The following VAV2 variants were observed in gnomAD, a reference collection of about 807,000 sequenced individuals.
VAV2 encodes the protein guanine nucleotide exchange factor VAV2.
In VAV2, 67 loss-of-function variants were observed where a neutral mutation model predicts 132.5. That is an observed-to-expected ratio of 0.51 (90% CI 0.42 to 0.62). The LOEUF (loss-of-function observed/expected upper bound fraction) is 0.62. Among genes scored for constraint, VAV2 ranks in the 20% least tolerant of loss-of-function variants. VAV2 has a pLI of 0.00. For missense variants in VAV2, 938 were observed against 1,153.6 expected (o/e 0.81, Z 2.71); for synonymous variants, 492 against 443.5 (o/e 1.11, Z -1.37).
rs78497525 is a variant in VAV2 at position 133,883,471 on chromosome 9, G to A, written c.322-22039C>T. Reference sequence around the variant, plus strand: ...CAGCAGCTCAGCCACTTAAAAATTCGTCGGAACATGTTGAAACAATGAGGG... The same window carrying A: ...CAGCAGCTCAGCCACTTAAAAATTCATCGGAACATGTTGAAACAATGAGGG... On this transcript the variant is annotated intron_variant, in intron 2 of 29. Coordinates refer to ENST00000371850, the MANE Select transcript of VAV2 (RefSeq NM_001134398.2). The surrounding 1 kb of genome is among the most constrained non-coding windows in gnomAD (Gnocchi z 4.2). Among the ~76,000 whole-genome samples, 911 of 152,176 alleles carry A rather than the reference G, an allele frequency of 6.0e-3. 8 individuals carry two copies. The highest frequency in any genetic ancestry group is 0.021 in the African/African-American group (854 of 41,490).
intron 3 of VAV2, among the ~76,000 whole-genome samples, chr9:133,848,141 G>T (rs916415249): frequency 3.3e-5 from 5 of 151,742 alleles, no homozygotes; most frequent in Admixed American, 1.3e-4. Context: ...TCAGCTGGGT[G>T]TAGTGGCGGG....
intron 2 of VAV2, among the ~76,000 whole-genome samples, chr9:133,920,127 C>G (rs1840242776): frequency 6.6e-6 from 1 of 152,092 alleles, no homozygotes; most frequent in African/African-American, 2.4e-5. Flanking sequence ...CCTGCACATG[C>G]AGCCAGCAGA....
rs183343558 is a variant in VAV2, at chr9:133,763,735, G to C, written c.*327C>G. 1.3e-4 allele frequency: 47 copies of C among 369,726 alleles called. 1 individual carries two copies. In the Admixed American group the frequency reaches 1.4e-3, roughly 11 times the overall value. The allele number at this position is 369,726 out of a possible 1,614,324, so 22.9% of individuals were successfully genotyped here. On this transcript the variant is annotated 3_prime_UTR_variant, in exon 30 of 30. Coordinates refer to ENST00000371850, the MANE Select transcript of VAV2 (RefSeq NM_001134398.2). This position sits in a 1 kb window ranked among gnomAD's most constrained non-coding sequence, Gnocchi z 6.8. ...AGGCTCCTGAAGGCCATCTCAGTTG[G>C]ACAGGGGCAGGCGATGGGCCTCTGG...
intron 1 of VAV2, among the ~76,000 whole-genome samples, chr9:133,939,566 G>A (rs756998271): frequency 1.8e-4 from 28 of 152,352 alleles, no homozygotes; most frequent in Non-Finnish European, 3.2e-4. Flanking sequence ...AGGTCAGGGC[G>A]GCAAGGCAGC....
intron 2 of VAV2, among the ~76,000 whole-genome samples, chr9:133,933,952 G>GTGGATAGA (rs1554812130): frequency 2.3e-5 from 3 of 130,194 alleles, no homozygotes; most frequent in African/African-American, 9.6e-5. Context: ...TGGATGGATG[G>GTGGATAGA]TGGATGGATG....
At chr9:133,922,910 G>A (rs1840346143) in intron 2 of VAV2, among the ~76,000 whole-genome samples, 1 of 152,174 alleles carries the variant, frequency 6.6e-6, no homozygotes, top group Non-Finnish European at 1.5e-5. Flanking sequence ...AGGGTGAAAG[G>A]CAATCTACTG....
chr9:133,925,254 T>C (rs993669559), intron 2 of VAV2, among the ~76,000 whole-genome samples: 1 of 152,206 alleles, frequency 6.6e-6, no homozygotes, highest in African/African-American at 2.4e-5. Context: ...TCTCGCTCTG[T>C]TGCCCAGACT....
intron 2 of VAV2, among the ~76,000 whole-genome samples, chr9:133,882,509 C>G (rs1450208483): frequency 6.6e-6 from 1 of 152,106 alleles, no homozygotes; most frequent in Non-Finnish European, 1.5e-5. Context: ...GGCCCTTAAT[C>G]CACTGTGACC....
In VAV2 at chr9:133,899,898, G is replaced by A. The variant is rs183401100; in HGVS notation, c.322-38466C>T. Reference sequence around the variant, plus strand: ...TAACTGGGCGTGGTGGCGGGCACCCGTAGTCCCAGCTACTTGGGAGGCTGA... The same window carrying A: ...TAACTGGGCGTGGTGGCGGGCACCCATAGTCCCAGCTACTTGGGAGGCTGA... On this transcript the variant is annotated intron_variant, in intron 2 of 29. Transcript: ENST00000371850. 1.6e-4 allele frequency among the ~76,000 whole-genome samples: 24 copies of A among 151,594 alleles called. No homozygotes were observed. In the East Asian group the frequency reaches 4.5e-3, roughly 28 times the overall value.
intron 10 of VAV2, among the ~76,000 whole-genome samples, 194 bp downstream of exon 10, chr9:133,797,516 G>A (rs10821525): frequency 0.27 from 41,480 of 152,092 alleles, 6,008 homozygotes; most frequent in East Asian, 0.38. Context: ...GGCCTGGGAT[G>A]GTGACCTCCA....
intron 2 of VAV2, among the ~76,000 whole-genome samples, chr9:133,910,954 G>A (rs1229417360): frequency 6.6e-6 from 1 of 152,094 alleles, no homozygotes; most frequent in African/African-American, 2.4e-5. Context: ...CCAGCACACC[G>A]TGTTTGTCTA....
At chr9:133,789,520 G>A (rs535344109) in intron 13 of VAV2, among the ~76,000 whole-genome samples, 177 bp from the exon 14 acceptor site, 3 of 152,318 alleles carry the variant, frequency 2.0e-5, no homozygotes, top group Admixed American at 6.5e-5. Context: ...GAGGGAGGGT[G>A]CAGAAGACCG....
Position 133,768,399 on chromosome 9 carries a change from T to C in VAV2, c.2589+43A>G. On this transcript the variant is annotated intron_variant, in intron 29 of 29. Transcript: ENST00000371850. The surrounding 1 kb of genome is among the most constrained non-coding windows in gnomAD (Gnocchi z 5.3). The stretch of plus-strand genomic sequence containing the variant: ...TGCCTGAGCCCGACCAGGTAGGGGC[T>C]GCAGCGAGGCCAGCCCCACACCCTC... The C allele has an allele frequency of 6.3e-7, 1 of 1,598,782 alleles. No individual in the cohort carries two copies. Among genetic ancestry groups the C allele is most frequent in the Non-Finnish European group, 8.5e-7 (1 of 1,175,036 alleles).
chr9:133,771,242 T>C (rs1042026776), intron 26 of VAV2, among the ~76,000 whole-genome samples: 1 of 152,024 alleles, frequency 6.6e-6, no homozygotes, highest in Non-Finnish European at 1.5e-5. Flanking sequence ...TTTTGTATTT[T>C]TTGTAGACAT....
At chr9:133,843,119 G>A (rs1455394566) in intron 3 of VAV2, among the ~76,000 whole-genome samples, 1 of 152,218 alleles carries the variant, frequency 6.6e-6, no homozygotes, top group Non-Finnish European at 1.5e-5. Context: ...ATGGGAGGAG[G>A]CCAGGTCGAA....
At position 133,772,911 on chromosome 9, in the gene VAV2, C is replaced by T. The variant is rs77953833; in HGVS notation, c.2136-865G>A. Reference sequence around the variant, plus strand: ...CTGCACACCCCACATGTAGGCTGGACGGCAGAGCCTACCACACACCCTATA... The same window carrying T: ...CTGCACACCCCACATGTAGGCTGGATGGCAGAGCCTACCACACACCCTATA... On this transcript the variant is annotated intron_variant, in intron 25 of 29. Coordinates refer to ENST00000371850, the MANE Select transcript of VAV2 (RefSeq NM_001134398.2). Among the ~76,000 whole-genome samples, 14 of 110,172 alleles carry T rather than the reference C, an allele frequency of 1.3e-4. 2 individuals carry two copies. The highest frequency in any genetic ancestry group is 4.3e-4 in the African/African-American group (14 of 32,186). 72.3% of individuals were successfully genotyped at this position (110,172 alleles called of 152,430 possible).
chr9:133,909,330 G>A (rs986100030), intron 2 of VAV2, among the ~76,000 whole-genome samples: 2 of 152,162 alleles, frequency 1.3e-5, no homozygotes, highest in Non-Finnish European at 2.9e-5. Context: ...TTTGAGTCCT[G>A]GAGCTCAGCA....
rs114057547 is a variant in VAV2 at position 133,870,231 on chromosome 9, T to A, written c.322-8799A>T. On this transcript the variant is annotated intron_variant, in intron 2 of 29. Transcript: ENST00000371850. ...GCAGGGCTGTGGGGCCCAACATCAATATCAGAAGTTTCTTCTAGGGGGCCG... is the reference window on the plus strand; with the variant it reads ...GCAGGGCTGTGGGGCCCAACATCAAAATCAGAAGTTTCTTCTAGGGGGCCG... 6.4e-3 allele frequency among the ~76,000 whole-genome samples: 970 copies of A among 152,202 alleles called. 9 individuals are homozygous for A. The highest frequency in any genetic ancestry group is 0.022 in the African/African-American group (914 of 41,508).
At chr9:133,784,644 C>A (rs1245237954) in intron 17 of VAV2, among the ~76,000 whole-genome samples, 1 of 152,226 alleles carries the variant, frequency 6.6e-6, no homozygotes, top group Non-Finnish European at 1.5e-5. Context: ...CTGCACTGGC[C>A]TGAGAGAACC....
Sources: gnomAD v4.1 joint callset for allele counts (sites outside exome capture counted in the v4.1 genomes callset) on GRCh38, gnomAD v4.1.1 for gene constraint, Gnocchi (gnomAD v3.1) non-coding constraint, MANE v1.5 for transcripts, NCBI Gene and HGNC (gene_info 2026-07-23, HGNC 2026-07-21) for gene names.